PRCP: variants seen among roughly 807,000 people sequenced by gnomAD.
The protein encoded by PRCP is prolylcarboxypeptidase.
Under a neutral mutation model 54.2 loss-of-function variants are expected in PRCP, and 46 were observed. The observed-to-expected ratio is 0.85, with a 90% CI of 0.67 to 1.09. The LOEUF is 1.09. Among genes scored for constraint, PRCP ranks in the 50% least tolerant of loss-of-function variants. The probability of loss-of-function intolerance (pLI) is 0.00; values close to 1 mark genes in which losing one functional copy is unlikely to be tolerated. For missense variants in PRCP, 613 were observed against 596.8 expected (o/e 1.03, Z -0.28); for synonymous variants, 240 against 212.2 (o/e 1.13, Z -1.14).
intron 8 of PRCP, among the ~76,000 whole-genome samples, chr11:82,831,819 CAT>C (rs1858391271): frequency 6.6e-6 from 1 of 152,032 alleles, no homozygotes; most frequent in Non-Finnish European, 1.5e-5. Context: ...TTGCTGCAGG[CAT>C]CAACCTGTCA....
chr11:82,895,738 G>A (rs114960898), intron 1 of PRCP, among the ~76,000 whole-genome samples: 1,986 of 152,264 alleles, frequency 0.013, 37 homozygotes, highest in African/African-American at 0.045. Context: ...AGGAGGAGGA[G>A]AAAGATCTTT....
intron 1 of PRCP, among the ~76,000 whole-genome samples, chr11:82,869,046 T>C (rs1367732605): frequency 6.7e-6 from 1 of 150,090 alleles, no homozygotes; most frequent in Non-Finnish European, 1.5e-5. Context: ...AAAAAATAAA[T>C]AAATAAATAA....
chr11:82,825,106 G>T lies in PRCP; in HGVS notation c.1291C>A (p.Pro431Thr), dbSNP rs765431937. ...TTAGTTACTCCACCTCCTGACCAGG[G>T]GTCTAGTTCACCATTGCTGCAAGTG... ...NIVFSNGELD[P>T]WSGGGVTKDI... Residue 431 changes from proline to threonine, a missense_variant, in exon 9 of 9, where the codon CCC (proline) becomes ACC (threonine). Physicochemically the swap from Pro to Thr is conservative, Grantham distance 38. Coordinates refer to ENST00000313010, the MANE Select transcript of PRCP (RefSeq NM_005040.4). 17 of 1,613,232 alleles carry T rather than the reference G, an allele frequency of 1.1e-5. No individual in the cohort carries two copies. Among genetic ancestry groups the T allele is most frequent in the Admixed American group, 1.7e-5 (1 of 59,846 alleles).
At chr11:82,866,732 T>C (rs1017060053) in intron 1 of PRCP, among the ~76,000 whole-genome samples, 4 of 152,056 alleles carry the variant, frequency 2.6e-5, no homozygotes, top group African/African-American at 9.7e-5. Context: ...TTTAATTTTT[T>C]TTTTTTTGAG....
At chr11:82,859,853 AT>A in intron 2 of PRCP, 123 bp downstream of exon 2, 1 of 990,040 alleles carries the variant, frequency 1.0e-6, no homozygotes, top group Non-Finnish European at 1.4e-6. Context: ...TTTTTTTGTT[AT>A]TTTTTACAGA....
chr11:82,838,299 T>C (rs1858573836), intron 8 of PRCP, 88 bp downstream of exon 8: 1 of 1,242,870 alleles, frequency 8.0e-7, no homozygotes, highest in Non-Finnish European at 1.1e-6. Flanking sequence ...TGTTGTTATA[T>C]TGTCCAGCAT....
At position 82,824,959 on chromosome 11, in the gene PRCP, G is replaced by A. The variant is rs1858186132; in HGVS notation, c.1438C>T (p.His480Tyr). ...VLLARSLEVRHMKNWIRDFYD... is the reference protein window; with the variant it reads ...VLLARSLEVRYMKNWIRDFYD... Reference sequence around the variant, plus strand: ...AAATCTCTGATCCAATTCTTCATATGTCTAACTTCCAAGGAGCGGGCTAAC... The same window carrying A: ...AAATCTCTGATCCAATTCTTCATATATCTAACTTCCAAGGAGCGGGCTAAC... Residue 480 changes from histidine (H) to tyrosine (Y), a missense_variant, in exon 9 of 9, where the codon CAT (histidine) becomes TAT (tyrosine). Coordinates refer to ENST00000313010, the MANE Select transcript of PRCP (RefSeq NM_005040.4). 2.5e-6 allele frequency: 4 copies of A among 1,614,112 alleles called. No individual in the cohort carries two copies. The highest frequency in any genetic ancestry group is 1.6e-4 in the Middle Eastern group (1 of 6,062).
chr11:82,879,152 C>T (rs916823281), intron 1 of PRCP, among the ~76,000 whole-genome samples: 5 of 152,190 alleles, frequency 3.3e-5, no homozygotes, highest in African/African-American at 4.8e-5. Flanking sequence ...CCATTCTCCC[C>T]GTCACTTTCA....
intron 6 of PRCP, among the ~76,000 whole-genome samples, chr11:82,847,081 C>T (rs1372388157): frequency 1.3e-5 from 2 of 152,044 alleles, no homozygotes; most frequent in Non-Finnish European, 2.9e-5. Context: ...CTATATGGCT[C>T]GCAAAGCCTA....
chr11:82,894,163 T>A (rs1350157946), intron 1 of PRCP, among the ~76,000 whole-genome samples: 2 of 152,250 alleles, frequency 1.3e-5, no homozygotes, highest in South Asian at 4.1e-4. Flanking sequence ...ACCATCAAGG[T>A]ATTCTCCTTA....
chr11:82,881,158 T>A (rs1859739683), intron 1 of PRCP, among the ~76,000 whole-genome samples: 1 of 152,212 alleles, frequency 6.6e-6, no homozygotes, highest in South Asian at 2.1e-4. Context: ...AGGTTAGGAA[T>A]TCATTTAGTG....
chr11:82,840,658 A>G (rs1858640893), intron 6 of PRCP: 1 of 152,192 alleles, frequency 6.6e-6, no homozygotes, highest in Non-Finnish European at 1.5e-5. Flanking sequence ...ATAACAGGCA[A>G]TGGAATCATA....
At chr11:82,873,565 G>T (rs688799) in intron 1 of PRCP, among the ~76,000 whole-genome samples, 1 of 152,128 alleles carries the variant, frequency 6.6e-6, no homozygotes, top group African/African-American at 2.4e-5. Flanking sequence ...TTTAGGTCCC[G>T]TTCCACCCTG....
At position 82,823,756 on chromosome 11, in the gene PRCP, T is replaced by C. The variant is rs1858151326; in HGVS notation, c.*1150A>G. 6.6e-6 allele frequency: 1 copy of C among 152,224 alleles called. No individual in the cohort carries two copies. The highest frequency in any genetic ancestry group is 1.5e-5 in the Non-Finnish European group (1 of 68,026). The allele number at this position is 152,224 out of a possible 1,614,324, so 9.4% of individuals were successfully genotyped here. A position where few individuals can be genotyped will look rare whatever the true frequency, so the allele number is the denominator to read the frequency against. On this transcript the variant is annotated 3_prime_UTR_variant, in exon 9 of 9. Coordinates refer to ENST00000313010, the MANE Select transcript of PRCP (RefSeq NM_005040.4). Reference sequence around the variant, plus strand: ...GGTTTTGATCCAACCCTATTTGTTATCCTAGAAAAGCTCTCTGAAGAAAGG... The same window carrying C: ...GGTTTTGATCCAACCCTATTTGTTACCCTAGAAAAGCTCTCTGAAGAAAGG...
At chr11:82,848,152 G>A (rs761567125) in intron 6 of PRCP, among the ~76,000 whole-genome samples, 37 of 152,208 alleles carry the variant, frequency 2.4e-4, no homozygotes, top group South Asian at 4.1e-4. Context: ...GCTCTATATC[G>A]CCAATTCTAT....
rs1410347688 is a variant in PRCP at position 82,838,482 on chromosome 11, G to C, written c.1179C>G (p.Asp393Glu). 1 of 1,614,120 alleles carries C rather than the reference G, an allele frequency of 6.2e-7. No individual in the cohort carries two copies. The change falls in exon 8 of 9, where the codon GAC (aspartate) becomes GAG (glutamate). Residue 393 changes from aspartate (D) to glutamate (E), a missense_variant. Physicochemically the swap from Asp to Glu is conservative, Grantham distance 45 (BLOSUM62 2). Coordinates refer to ENST00000313010, the MANE Select transcript of PRCP (RefSeq NM_005040.4). ...HSWNLKELSD[D>E]CFQQWGVRPR... is the part of the protein sequence containing the mutation. ...GTCTCACACCCCACTGTTGAAAACAGTCATCAGAAAGTTCCTTTAAGTTCC... is the reference window on the plus strand; with the variant it reads ...GTCTCACACCCCACTGTTGAAAACACTCATCAGAAAGTTCCTTTAAGTTCC...
intron 1 of PRCP, among the ~76,000 whole-genome samples, chr11:82,871,793 A>C (rs545104513): frequency 6.6e-6 from 1 of 152,310 alleles, no homozygotes; most frequent in East Asian, 1.9e-4. Context: ...TATATTCTAA[A>C]GTCCTCCTAA....
chr11:82,874,422 G>A (rs182581553), intron 1 of PRCP, among the ~76,000 whole-genome samples: 9 of 152,278 alleles, frequency 5.9e-5, no homozygotes, highest in East Asian at 5.8e-4. Flanking sequence ...TGGGTGCGGT[G>A]GCTCACACCC....
intron 1 of PRCP, among the ~76,000 whole-genome samples, chr11:82,896,280 A>G (rs1860119018): frequency 6.6e-6 from 1 of 152,180 alleles, no homozygotes; most frequent in African/African-American, 2.4e-5. Flanking sequence ...GTCAAATATC[A>G]TTCTAGATGT....
Sources: gnomAD v4.1 joint callset for allele counts (sites outside exome capture counted in the v4.1 genomes callset) on GRCh38, gnomAD v4.1.1 for gene constraint, MANE v1.5 for transcripts, NCBI Gene and HGNC (gene_info 2026-07-23, HGNC 2026-07-21) for gene names.